Variants in INO80 observed in about 807,000 individuals in gnomAD.
INO80 encodes the protein INO80 complex ATPase subunit.
Under a neutral mutation model 203.4 loss-of-function variants are expected in INO80, and 20 were observed. The observed-to-expected ratio is 0.10, with a 90% CI of 0.07 to 0.14. INO80 has a LOEUF of 0.14. Among genes scored for constraint, INO80 ranks in the 10% least tolerant of loss-of-function variants. INO80 has a pLI of 1.00. For synonymous variants in INO80, 726 were observed against 685.2 expected, an observed-to-expected ratio of 1.06 and a Z score of -0.93; for missense variants, 1,419 against 1,914.4, an observed-to-expected ratio of 0.74 and a Z score of 4.83.
At chr15:40,985,167 C>T (rs1333415415) in intron 32 of INO80, among the ~76,000 whole-genome samples, 171 bp downstream of exon 32, 1 of 152,116 alleles carries the variant, frequency 6.6e-6, no homozygotes, top group African/African-American at 2.4e-5. Flanking sequence ...TCTACCAAGG[C>T]CACATTTCTC....
At chr15:41,104,528 C>T (rs980702798) in intron 1 of INO80, among the ~76,000 whole-genome samples, 1 of 151,876 alleles carries the variant, frequency 6.6e-6, no homozygotes, top group South Asian at 2.1e-4. Context: ...TACTGCCAGG[C>T]CCTTATTTCT....
At chr15:41,005,320 ATTTC>A (rs1566907365) in intron 28 of INO80, 2 of 310,686 alleles carry the variant, frequency 6.4e-6, no homozygotes, top group Non-Finnish European at 1.2e-5. Context: ...CTTAGAAATG[ATTTC>A]TTTTATTATC....
chr15:41,115,864 G>A (rs1231722377), intron 1 of INO80, 109 bp downstream of exon 1: 1 of 373,070 alleles, frequency 2.7e-6, no homozygotes, highest in Non-Finnish European at 4.8e-6. Context: ...CCAAGGGCCG[G>A]GGGCGACGGC....
chr15:41,021,153 C>G lies in INO80; in HGVS notation c.3049-28G>C, dbSNP rs777921494. 6.0e-6 allele frequency: 9 copies of G among 1,504,316 alleles called. No homozygotes were observed. In the East Asian group the frequency reaches 2.0e-4, roughly 34 times the overall value. 93.2% of individuals were successfully genotyped at this position (1,504,316 alleles called of 1,614,324 possible). A position where few individuals can be genotyped will look rare whatever the true frequency, so the allele number is the denominator to read the frequency against. Reference sequence around the variant, plus strand: ...GCAGTTAAAGATTCACATGAGATGGCTCTTTCACGTTGTCCATACACACTA... The same window carrying G: ...GCAGTTAAAGATTCACATGAGATGGGTCTTTCACGTTGTCCATACACACTA... On this transcript the variant is annotated intron_variant, in intron 25 of 35. Transcript: ENST00000648947.
At chr15:40,982,841 A>G in intron 35 of INO80, 21 bp downstream of exon 35, 1 of 1,591,062 alleles carries the variant, frequency 6.3e-7, no homozygotes, top group Non-Finnish European at 8.6e-7. Context: ...CAAAGTCTGC[A>G]GCCACCCTGG....
Position 40,986,373 on chromosome 15 carries a change from G to A in INO80, c.3832+718C>T, listed in dbSNP as rs140534723. 5.5e-4 allele frequency among the ~76,000 whole-genome samples: 75 copies of A among 137,390 alleles called. No homozygotes were observed. The East Asian group carries it at 0.011, about 21-fold the overall frequency. The allele number at this position is 137,390 out of a possible 152,430, so 90.1% of individuals were successfully genotyped here. On this transcript the variant is annotated intron_variant, in intron 31 of 35. Transcript: ENST00000648947. ...GAATCTTGCTCTTGTTGTCCAGGCT[G>A]GAGTGCAATGGCACGATCTTGGCTC...
intron 16 of INO80, 66 bp from the exon 17 acceptor site, chr15:41,056,772 A>G: frequency 7.3e-7 from 1 of 1,364,056 alleles, no homozygotes; most frequent in Non-Finnish European, 1.0e-6. Flanking sequence ...TCCTACTGAG[A>G]CCCCATATTG....
chr15:41,096,080 T>C, intron 2 of INO80, 88 bp downstream of exon 2: 1 of 1,445,738 alleles, frequency 6.9e-7, no homozygotes, highest in South Asian at 1.4e-5. Flanking sequence ...AACATAAAAA[T>C]CATAAGATAC....
intron 28 of INO80, among the ~76,000 whole-genome samples, chr15:41,002,452 T>C (rs186341148): frequency 8.3e-4 from 126 of 152,248 alleles, no homozygotes; most frequent in African/African-American, 3.0e-3. Context: ...ACCACAAAGG[T>C]ACTGCAAAAT....
intron 4 of INO80, 152 bp from the exon 5 acceptor site, chr15:41,092,334 A>G (rs1232577569): frequency 5.6e-6 from 3 of 538,954 alleles, no homozygotes; most frequent in Non-Finnish European, 9.5e-6. Flanking sequence ...AATTCAACTG[A>G]AAAACATTAA....
chr15:41,092,205 T>C lies in INO80; in HGVS notation c.382-23A>G, dbSNP rs193121541. 13 of 1,561,670 alleles carry C rather than the reference T, an allele frequency of 8.3e-6. No individual in the cohort carries two copies. The South Asian group carries it at 1.3e-4, about 15-fold the overall frequency. ...GCTCTGAAAAGGGTGAAAATAGAAATGTATCTTTTGCTGTGAAGCAATCCC... is the reference window on the plus strand; with the variant it reads ...GCTCTGAAAAGGGTGAAAATAGAAACGTATCTTTTGCTGTGAAGCAATCCC... On this transcript the variant is annotated intron_variant, in intron 4 of 35. Transcript: ENST00000648947.
chr15:41,049,282 C>T lies in INO80; in HGVS notation c.2576+5G>A. ...AATAGTGAACAGATAGTAATACTTC[C>T]CTACCTGTCTCGTGAATGATTGAAG... On this transcript the variant is annotated splice_donor_5th_base_variant and intron_variant, in intron 21 of 35. Transcript: ENST00000648947. The T allele has an allele frequency of 3.1e-6, 5 of 1,609,276 alleles. No homozygotes were observed. The highest frequency in any genetic ancestry group is 4.2e-6 in the Non-Finnish European group (5 of 1,177,204).
intron 26 of INO80, among the ~76,000 whole-genome samples, chr15:41,019,867 G>C (rs191394145): frequency 2.1e-4 from 32 of 152,338 alleles, no homozygotes; most frequent in Non-Finnish European, 2.9e-4. Context: ...ATCTCTTAGA[G>C]ACAGAAGAAG....
chr15:40,982,816 T>C (rs7173954), intron 35 of INO80, 46 bp downstream of exon 35: 49 of 1,464,408 alleles, frequency 3.3e-5, no homozygotes, highest in Non-Finnish European at 4.1e-5. Flanking sequence ...ATTTCTAGAC[T>C]GTCTCTGACC....
At chr15:41,053,543 T>A (rs916560799) in intron 19 of INO80, among the ~76,000 whole-genome samples, 4 of 152,182 alleles carry the variant, frequency 2.6e-5, no homozygotes, top group African/African-American at 9.6e-5. Context: ...AGGCAGTGTT[T>A]AAAAAAACCA....
intron 24 of INO80, among the ~76,000 whole-genome samples, chr15:41,033,309 T>C (rs1198378397): frequency 3.3e-5 from 5 of 152,250 alleles, no homozygotes; most frequent in African/African-American, 1.2e-4. Flanking sequence ...TAAAATTTTA[T>C]TTTTCTATCT....
intron 19 of INO80, among the ~76,000 whole-genome samples, chr15:41,050,375 C>T (rs1346348991): frequency 1.3e-5 from 2 of 152,190 alleles, no homozygotes; most frequent in Non-Finnish European, 2.9e-5. Flanking sequence ...CAGTAACATA[C>T]AAAAGTACAT....
At chr15:41,113,199 G>T (rs2045982177) in intron 1 of INO80, among the ~76,000 whole-genome samples, 1 of 152,032 alleles carries the variant, frequency 6.6e-6, no homozygotes, top group Non-Finnish European at 1.5e-5. Flanking sequence ...ACAGGTGTGA[G>T]CCACCAAGCC....
intron 18 of INO80, among the ~76,000 whole-genome samples, chr15:41,054,946 T>C (rs1424008655): frequency 6.6e-6 from 1 of 152,132 alleles, no homozygotes; most frequent in Non-Finnish European, 1.5e-5. Flanking sequence ...CCAATATGAA[T>C]TTTTCAAGAT....
Sources: gnomAD v4.1 joint callset for allele counts (sites outside exome capture counted in the v4.1 genomes callset) on GRCh38, gnomAD v4.1.1 for gene constraint, MANE v1.5 for transcripts, NCBI Gene and HGNC (gene_info 2026-07-23, HGNC 2026-07-21) for gene names.